MTREX: variants seen among roughly 807,000 people sequenced by gnomAD.
The protein encoded by MTREX is exosome RNA helicase MTR4.
In MTREX, 76 loss-of-function variants were observed where a neutral mutation model predicts 135.4. The observed-to-expected ratio is 0.56, with a 90% CI of 0.47 to 0.68. MTREX has a LOEUF of 0.68. MTREX is among the 30% of genes least tolerant of loss of function. MTREX has a pLI of 0.00. For missense variants in MTREX, 920 were observed against 1,262.1 expected (o/e 0.73, Z 4.11); for synonymous variants, 404 against 401.6 (o/e 1.01, Z -0.07).
chr5:55,424,334 G>C (rs565262482), intron 26 of MTREX: 1 of 155,420 alleles, frequency 6.4e-6, no homozygotes, highest in South Asian at 2.0e-4. Flanking sequence ...TAGTAGAGAC[G>C]GGGTTTCTCC....
intron 19 of MTREX, among the ~76,000 whole-genome samples, chr5:55,393,941 G>C (rs978920637): frequency 6.6e-6 from 1 of 152,108 alleles, no homozygotes; most frequent in Admixed American, 6.5e-5. Flanking sequence ...CCTTTTCTGT[G>C]CTTTAGGAGG....
chr5:55,362,693 A>T (rs979626310), intron 15 of MTREX, among the ~76,000 whole-genome samples: 2 of 152,072 alleles, frequency 1.3e-5, no homozygotes, highest in African/African-American at 4.8e-5. Context: ...ATTTTTGATT[A>T]CTTGATATGA....
intron 18 of MTREX, among the ~76,000 whole-genome samples, chr5:55,379,624 A>G (rs887612264): frequency 2.0e-5 from 3 of 151,954 alleles, no homozygotes; most frequent in Non-Finnish European, 4.4e-5. Context: ...AGAGAGACAC[A>G]TGCATTGTTT....
chr5:55,405,590 T>TA lies in MTREX; in HGVS notation c.2645+6dup. 1 of 1,605,796 alleles carries TA rather than the reference T, an allele frequency of 6.2e-7. No homozygotes were observed. The highest frequency in any genetic ancestry group is 8.5e-7 in the Non-Finnish European group (1 of 1,175,656). On this transcript the variant is annotated splice_region_variant and intron_variant, in intron 22 of 26. Transcript: ENST00000230640. ...ACGAGTGGCTTGTGAGATAAGCAGG[T>TA]AAAATCTGGTTATTGTTCTAGAAAG...
At chr5:55,374,407 C>T (rs1750260722) in intron 16 of MTREX, among the ~76,000 whole-genome samples, 1 of 151,642 alleles carries the variant, frequency 6.6e-6, no homozygotes, top group South Asian at 2.1e-4. Context: ...CCAACCTCAG[C>T]CTCCCAAGTA....
intron 14 of MTREX, among the ~76,000 whole-genome samples, chr5:55,353,906 T>TA (rs1046608779): frequency 3.4e-4 from 52 of 152,330 alleles, no homozygotes; most frequent in African/African-American, 1.3e-3. Context: ...TTTAAGGTAT[T>TA]AAAGCACCAC....
At chr5:55,350,079 C>G (rs1749802302) in intron 12 of MTREX, among the ~76,000 whole-genome samples, 1 of 152,120 alleles carries the variant, frequency 6.6e-6, no homozygotes, top group Non-Finnish European at 1.5e-5. Flanking sequence ...CCTGGGAATT[C>G]CAAAATATGC....
chr5:55,340,004 T>G lies in MTREX; in HGVS notation c.516-6T>G. On this transcript the variant is annotated splice_region_variant and splice_polypyrimidine_tract_variant and intron_variant, in intron 5 of 26. Transcript: ENST00000230640. ...GTTGTATGATTATTTGTTTTCACAT[T>G]TGTAGGTATGCCATTGCATTGGCCT... The G allele has an allele frequency of 1.3e-6, 2 of 1,499,714 alleles. No individual in the cohort carries two copies. Among genetic ancestry groups the G allele is most frequent in the South Asian group, 2.8e-5 (2 of 72,306 alleles). 92.9% of individuals were successfully genotyped at this position (1,499,714 alleles called of 1,614,324 possible).
At chr5:55,323,242 T>C (rs936269908) in intron 2 of MTREX, among the ~76,000 whole-genome samples, 1 of 152,226 alleles carries the variant, frequency 6.6e-6, no homozygotes, top group African/African-American at 2.4e-5. Flanking sequence ...TCATTGTTAC[T>C]TGTTTGTAAC....
intron 5 of MTREX, among the ~76,000 whole-genome samples, chr5:55,333,702 A>G (rs183295698): frequency 6.6e-6 from 1 of 152,274 alleles, no homozygotes; most frequent in Non-Finnish European, 1.5e-5. Flanking sequence ...AAAAGTTATA[A>G]TGTAGAATTG....
intron 19 of MTREX, among the ~76,000 whole-genome samples, chr5:55,389,499 G>T (rs772174597): frequency 6.6e-6 from 1 of 152,072 alleles, no homozygotes; most frequent in Non-Finnish European, 1.5e-5. Context: ...GGCAAGGGGT[G>T]GGGGGTTGTT....
chr5:55,321,603 A>ATTTTTTT (rs570546421), intron 1 of MTREX, among the ~76,000 whole-genome samples: 5 of 103,098 alleles, frequency 4.8e-5, no homozygotes, highest in African/African-American at 7.3e-5. Context: ...CCAAACATCT[A>ATTTTTTT]TTTTTTTTTT....
chr5:55,387,792 C>T (rs1041682730), intron 18 of MTREX, among the ~76,000 whole-genome samples, 182 bp from the exon 19 acceptor site: 2 of 152,084 alleles, frequency 1.3e-5, no homozygotes, highest in Non-Finnish European at 2.9e-5. Context: ...TGTGTTTTCT[C>T]ATCCAATGGA....
At chr5:55,403,153 G>T (rs1750750564) in intron 21 of MTREX, among the ~76,000 whole-genome samples, 2 of 151,640 alleles carry the variant, frequency 1.3e-5, no homozygotes, top group South Asian at 2.1e-4. Context: ...GTGAGCCATG[G>T]TTGCACGACT....
At chr5:55,404,300 A>G (rs1285274451) in intron 21 of MTREX, among the ~76,000 whole-genome samples, 1 of 152,210 alleles carries the variant, frequency 6.6e-6, no homozygotes, top group African/African-American at 2.4e-5. Context: ...TAGTCAGAAA[A>G]TATGTAATAT....
chr5:55,382,167 T>C (rs1459517968), intron 18 of MTREX, among the ~76,000 whole-genome samples: 1 of 152,160 alleles, frequency 6.6e-6, no homozygotes, highest in Non-Finnish European at 1.5e-5. Context: ...ATTACTGATA[T>C]AGTTGGATTT....
At chr5:55,353,031 G>T in intron 13 of MTREX, 137 bp from the exon 14 acceptor site, 1 of 479,808 alleles carries the variant, frequency 2.1e-6, no homozygotes, top group Non-Finnish European at 3.6e-6. Context: ...AAATAGGTTT[G>T]AGAACATATT....
chr5:55,356,934 T>C lies in MTREX; in HGVS notation c.1534-1639T>C, dbSNP rs373637488. On this transcript the variant is annotated intron_variant, in intron 14 of 26. Transcript: ENST00000230640. ...TGAGGTCTTGGTTTGTGATGCCCAG[T>C]GCATGCAGATACTGGATGCCATCTA... 244 of 164,254 alleles carry C rather than the reference T, an allele frequency of 1.5e-3. 4 individuals carry two copies. In the Middle Eastern group the frequency reaches 0.029, roughly 20 times the overall value. The allele number at this position is 164,254 out of a possible 1,614,324, so 10.2% of individuals were successfully genotyped here.
chr5:55,375,797 C>T (rs370140985), intron 16 of MTREX, among the ~76,000 whole-genome samples: 1 of 152,164 alleles, frequency 6.6e-6, no homozygotes, highest in Admixed American at 6.5e-5. Context: ...TAAGAAATTA[C>T]AAAAGTATTA....
Sources: allele counts gnomAD v4.1 joint callset (sites outside exome capture counted in the v4.1 genomes callset), GRCh38; gene constraint gnomAD v4.1.1; transcripts MANE v1.5; gene names NCBI Gene and HGNC (gene_info 2026-07-23, HGNC 2026-07-21).